The following PDE1C variants were observed in gnomAD, a reference collection of about 807,000 sequenced individuals.
PDE1C encodes the protein phosphodiesterase 1C.
Under a neutral mutation model 93.1 loss-of-function variants are expected in PDE1C, and 62 were observed. The ratio of observed to expected loss-of-function variants is 0.67; its 90% confidence interval spans 0.54 to 0.82. PDE1C has a LOEUF of 0.82. PDE1C is among the 40% of genes least tolerant of loss of function. The probability of loss-of-function intolerance (pLI) is 0.00; values close to 1 mark genes in which losing one functional copy is unlikely to be tolerated. For synonymous variants in PDE1C, 325 were observed against 310.1 expected, an observed-to-expected ratio of 1.05 and a Z score of -0.50; for missense variants, 742 against 884.6, an observed-to-expected ratio of 0.84 and a Z score of 2.04.
At chr7:31,897,817 TAGA>T (rs932205396) in intron 2 of PDE1C, among the ~76,000 whole-genome samples, 1 of 152,184 alleles carries the variant, frequency 6.6e-6, no homozygotes, top group African/African-American at 2.4e-5. Context: ...TGCTTTTGGT[TAGA>T]AGAACTTCTG....
the PDE1C span, chr7:31,707,211 A>G: frequency 1.9e-6 from 3 of 1,613,750 alleles, no homozygotes; most frequent in South Asian, 3.3e-5. Context: ...CAGGTGTGAC[A>G]TTGCTCAGGG....
intron 2 of PDE1C, among the ~76,000 whole-genome samples, chr7:31,950,734 C>A (rs1353924472): frequency 6.6e-6 from 1 of 152,006 alleles, no homozygotes; most frequent in Non-Finnish European, 1.5e-5. Flanking sequence ...CTCACAAGAC[C>A]AATCCACAGT....
At chr7:32,274,686 T>G (rs1005315715) in intron 1 of PDE1C, among the ~76,000 whole-genome samples, 1 of 152,172 alleles carries the variant, frequency 6.6e-6, no homozygotes, top group Non-Finnish European at 1.5e-5. Flanking sequence ...TCGAGAAACT[T>G]CTGATTGGTA....
the PDE1C span, among the ~76,000 whole-genome samples, chr7:31,703,318 C>T: frequency 1.4e-4 from 21 of 152,312 alleles, no homozygotes; most frequent in South Asian, 1.4e-3. Context: ...AACAGCCTAA[C>T]GGGTTGAGCT....
intron 3 of PDE1C, among the ~76,000 whole-genome samples, chr7:32,122,316 G>T (rs1412825605): frequency 6.6e-6 from 1 of 152,138 alleles, no homozygotes; most frequent in Non-Finnish European, 1.5e-5. Flanking sequence ...CAATAAGACA[G>T]AAAATTAACA....
chr7:32,096,732 C>A (rs972636531), intron 3 of PDE1C, among the ~76,000 whole-genome samples: 1 of 152,052 alleles, frequency 6.6e-6, no homozygotes, highest in Non-Finnish European at 1.5e-5. Flanking sequence ...AGCAATTGTT[C>A]TACTGCAAGC....
At chr7:32,320,097 C>T (rs1783257647) in intron 1 of PDE1C, among the ~76,000 whole-genome samples, 2 of 152,136 alleles carry the variant, frequency 1.3e-5, no homozygotes, top group African/African-American at 2.4e-5. Context: ...CACAGCAGTT[C>T]CCCACACTAC....
At chr7:32,276,106 A>T (rs1393192500) in intron 1 of PDE1C, among the ~76,000 whole-genome samples, 1 of 152,240 alleles carries the variant, frequency 6.6e-6, no homozygotes, top group Non-Finnish European at 1.5e-5. Context: ...ACTATTCCTG[A>T]TAATATCAAC....
intron 1 of PDE1C, among the ~76,000 whole-genome samples, chr7:32,385,730 G>A (rs1784613185): frequency 6.6e-6 from 1 of 152,202 alleles, no homozygotes; most frequent in African/African-American, 2.4e-5. Context: ...GTGGTACCAT[G>A]TCCAGGGGAA....
chr7:32,012,133 T>C (rs778956334), intron 2 of PDE1C, among the ~76,000 whole-genome samples: 1 of 152,190 alleles, frequency 6.6e-6, no homozygotes, highest in East Asian at 1.9e-4. Context: ...TACCTGAGGC[T>C]AGGTAATTCC....
At chr7:32,403,090 T>C (rs1784982167) in intron 1 of PDE1C, among the ~76,000 whole-genome samples, 1 of 152,210 alleles carries the variant, frequency 6.6e-6, no homozygotes, top group Non-Finnish European at 1.5e-5. Flanking sequence ...AGCTTTTAAA[T>C]CATCAGCTGC....
At chr7:32,206,698 A>G (rs1013737497) in intron 2 of PDE1C, among the ~76,000 whole-genome samples, 4 of 152,176 alleles carry the variant, frequency 2.6e-5, no homozygotes, top group African/African-American at 7.2e-5. Flanking sequence ...ACCATGCAGT[A>G]CCCACATGAG....
At chr7:32,348,567 G>A (rs215684) in intron 1 of PDE1C, among the ~76,000 whole-genome samples, 121,411 of 151,686 alleles carry the variant, frequency 0.8, 48,941 homozygotes, top group Admixed American at 0.85. Flanking sequence ...GTTTCACCAT[G>A]TTAGCCAGGA....
chr7:32,380,643 A>C (rs1435833466), intron 1 of PDE1C, among the ~76,000 whole-genome samples: 3 of 151,912 alleles, frequency 2.0e-5, no homozygotes, highest in Non-Finnish European at 4.4e-5. Flanking sequence ...TTCCCAAATC[A>C]AGGTCAAGTC....
intron 1 of PDE1C, among the ~76,000 whole-genome samples, chr7:32,281,766 A>G (rs181077656): frequency 3.9e-4 from 59 of 152,306 alleles, no homozygotes; most frequent in Admixed American, 8.5e-4. Context: ...AAGACTTGGA[A>G]CCAACCCAAA....
At chr7:31,695,509 AAAG>A in the PDE1C span, 1 of 1,613,334 alleles carries the variant, frequency 6.2e-7, no homozygotes, top group Non-Finnish European at 8.5e-7. Context: ...GTGATCTCAA[AAAG>A]AAGCCTAGAA....
At chr7:32,360,001 G>C (rs746683288) in intron 1 of PDE1C, among the ~76,000 whole-genome samples, 3 of 152,098 alleles carry the variant, frequency 2.0e-5, no homozygotes, top group Admixed American at 6.5e-5. Flanking sequence ...TTTAAACCAA[G>C]TATGGCCACC....
the PDE1C span, among the ~76,000 whole-genome samples, chr7:31,717,251 T>C: frequency 6.6e-6 from 1 of 152,274 alleles, no homozygotes; most frequent in South Asian, 2.1e-4. Context: ...AATTTCTTTA[T>C]ACATTTATTT....
chr7:32,106,052 C>G (rs1312817464), intron 3 of PDE1C, among the ~76,000 whole-genome samples: 1 of 152,070 alleles, frequency 6.6e-6, no homozygotes, highest in African/African-American at 2.4e-5. Context: ...TGCTCTGGTG[C>G]CCAGGCTGGA....
Sources: gnomAD v4.1 joint callset for allele counts (sites outside exome capture counted in the v4.1 genomes callset) on GRCh38, gnomAD v4.1.1 for gene constraint, MANE v1.5 for transcripts, NCBI Gene and HGNC (gene_info 2026-07-23, HGNC 2026-07-21) for gene names.